Variants in CMSS1 observed in about 807,000 individuals in gnomAD.
CMSS1 encodes the protein cms1 ribosomal small subunit homolog.
Under a neutral mutation model 43.5 loss-of-function variants are expected in CMSS1, and 33 were observed. That is an observed-to-expected ratio of 0.76 (90% confidence interval 0.57 to 1.01). CMSS1 has a LOEUF of 1.01. CMSS1 is among the 50% of genes least tolerant of loss of function. The probability of loss-of-function intolerance (pLI) is 0.00; values close to 1 mark genes in which losing one functional copy is unlikely to be tolerated. For missense variants in CMSS1, 313 were observed against 326.4 expected (o/e 0.96, Z 0.32); for synonymous variants, 115 against 117.2 (o/e 0.98, Z 0.12).
chr3:99,966,720 TGTA>T (rs929480596), intron 1 of CMSS1, among the ~76,000 whole-genome samples: 5 of 152,232 alleles, frequency 3.3e-5, no homozygotes, highest in African/African-American at 1.2e-4. Context: ...TTCTAATAAA[TGTA>T]GTGTGTCAGA....
intron 1 of CMSS1, among the ~76,000 whole-genome samples, chr3:100,056,723 G>A (rs148382513): frequency 0.018 from 2,733 of 152,086 alleles, 50 homozygotes; most frequent in East Asian, 0.098. Flanking sequence ...AATGGGGCCG[G>A]GCGCGGTGGC....
intron 1 of CMSS1, among the ~76,000 whole-genome samples, chr3:100,141,805 G>A (rs2066807914): frequency 6.6e-6 from 1 of 152,134 alleles, no homozygotes; most frequent in African/African-American, 2.4e-5. Context: ...TTGGGGAAGA[G>A]GCAGTGCAGT....
intron 1 of CMSS1, among the ~76,000 whole-genome samples, chr3:99,961,889 T>C (rs751620650): frequency 9.1e-6 from 1 of 110,486 alleles, no homozygotes; most frequent in Non-Finnish European, 1.8e-5. Context: ...TAGACACAGC[T>C]AGAAACTAGG....
intron 1 of CMSS1, chr3:99,851,015 T>TTTCTTGCTCCTTCTCCTC: frequency 6.2e-7 from 1 of 1,611,840 alleles, no homozygotes; most frequent in Non-Finnish European, 8.5e-7. Flanking sequence ...CTTTTCTCCT[T>TTTCTTGCTCCTTCTCCTC]TTCTTGCTCC....
At chr3:100,037,958 G>T (rs6440987) in intron 1 of CMSS1, among the ~76,000 whole-genome samples, 777 of 10,044 alleles carry the variant, frequency 0.077, 6 homozygotes, top group Admixed American at 0.11. Context: ...TTTTTTTTTG[G>T]GGGGGGAGGG....
chr3:100,017,862 A>G (rs761380548), intron 1 of CMSS1, among the ~76,000 whole-genome samples: 39 of 152,222 alleles, frequency 2.6e-4, no homozygotes, highest in Admixed American at 7.2e-4. Context: ...TCAGCTTTCT[A>G]TTTCTCAGGC....
intron 1 of CMSS1, among the ~76,000 whole-genome samples, chr3:100,078,915 A>G (rs979963618): frequency 6.6e-6 from 1 of 152,106 alleles, no homozygotes; most frequent in African/African-American, 2.4e-5. Flanking sequence ...AAAAGATTGC[A>G]AAAAATCTCA....
rs79668434 is a variant in CMSS1, at chr3:99,851,258, T to C, written c.64+33215T>C. Among the ~76,000 whole-genome samples the C allele has an allele frequency of 7.4e-3, 1,125 of 152,348 alleles. 60 individuals carry two copies. The East Asian group carries it at 0.13, about 18-fold the overall frequency. ...TTGATAAAGTTATCTTGCTTTTTTA[T>C]TTGACTACCATTGATCAGTAACAGC... On this transcript the variant is annotated intron_variant, in intron 1 of 9. Transcript: ENST00000421999.
At chr3:99,961,622 G>T (rs1039777788) in intron 1 of CMSS1, among the ~76,000 whole-genome samples, 1 of 152,070 alleles carries the variant, frequency 6.6e-6, no homozygotes, top group Non-Finnish European at 1.5e-5. Context: ...AGCTGGAAAG[G>T]CTCCTGGGAA....
At chr3:99,878,508 TCTC>T (rs1274830106) in intron 1 of CMSS1, among the ~76,000 whole-genome samples, 3 of 152,232 alleles carry the variant, frequency 2.0e-5, no homozygotes, top group South Asian at 2.1e-4. Context: ...AGTCTTGTCT[TCTC>T]CTAATAGTTT....
chr3:100,006,209 C>G (rs557573450), intron 1 of CMSS1, among the ~76,000 whole-genome samples: 3 of 152,106 alleles, frequency 2.0e-5, no homozygotes, highest in Admixed American at 6.6e-5. Flanking sequence ...ATTAAGATAA[C>G]CTCAGAAACT....
intron 1 of CMSS1, among the ~76,000 whole-genome samples, chr3:99,915,349 G>A (rs1238112995): frequency 6.6e-6 from 1 of 152,152 alleles, no homozygotes; most frequent in Non-Finnish European, 1.5e-5. Flanking sequence ...AAGGGGCTGT[G>A]TAACAAAATA....
At chr3:100,063,323 C>T (rs532958143) in intron 1 of CMSS1, among the ~76,000 whole-genome samples, 19 of 152,190 alleles carry the variant, frequency 1.2e-4, no homozygotes, top group Non-Finnish European at 2.1e-4. Flanking sequence ...GTTCCACACT[C>T]AGTATTATAA....
At chr3:100,157,094 T>C (rs776526274) in intron 2 of CMSS1, among the ~76,000 whole-genome samples, 1 of 152,180 alleles carries the variant, frequency 6.6e-6, no homozygotes, top group Non-Finnish European at 1.5e-5. Flanking sequence ...TATAATATCA[T>C]TTATTGAAAA....
intron 1 of CMSS1, among the ~76,000 whole-genome samples, chr3:99,935,641 G>C (rs1559695056): frequency 1.3e-5 from 2 of 152,238 alleles, no homozygotes; most frequent in African/African-American, 4.8e-5. Context: ...TGGATCCCGT[G>C]ATAGCAGGGT....
chr3:100,043,336 T>C (rs2107297073), intron 1 of CMSS1, among the ~76,000 whole-genome samples: 1 of 152,348 alleles, frequency 6.6e-6, no homozygotes, highest in African/African-American at 2.4e-5. Context: ...TGAAAGTCTC[T>C]CTGTCTCTGT....
chr3:100,095,005 G>A (rs2066179848), intron 1 of CMSS1, among the ~76,000 whole-genome samples: 1 of 152,034 alleles, frequency 6.6e-6, no homozygotes, highest in Middle Eastern at 3.2e-3. Context: ...GTCTTTTGTT[G>A]GCTGAGTTGC....
intron 1 of CMSS1, chr3:99,850,180 A>C: frequency 6.2e-7 from 1 of 1,611,434 alleles, no homozygotes; most frequent in Non-Finnish European, 8.5e-7. Context: ...ATCTACAAAC[A>C]TCACAGTTAA....
At chr3:99,877,281 T>G (rs1465645561) in intron 1 of CMSS1, among the ~76,000 whole-genome samples, 1 of 152,226 alleles carries the variant, frequency 6.6e-6, no homozygotes, top group African/African-American at 2.4e-5. Context: ...CCTATTATGA[T>G]GTACATATGT....
Sources: allele counts gnomAD v4.1 joint callset (sites outside exome capture counted in the v4.1 genomes callset), GRCh38; gene constraint gnomAD v4.1.1; transcripts MANE v1.5; gene names NCBI Gene and HGNC (gene_info 2026-07-23, HGNC 2026-07-21).